TMEM135: variants seen among roughly 807,000 people sequenced by gnomAD.
The protein encoded by TMEM135 is transmembrane protein 135.
TMEM135 carries 30 observed loss-of-function variants against 60.3 expected under a neutral mutation model. The observed-to-expected ratio is 0.50, with a 90% CI of 0.37 to 0.68. TMEM135 has a LOEUF of 0.68. Among genes scored for constraint, TMEM135 ranks in the 30% least tolerant of loss-of-function variants. The pLI is 0.00. For synonymous variants in TMEM135, 190 were observed against 186.7 expected, an observed-to-expected ratio of 1.02 and a Z score of -0.14; for missense variants, 468 against 548.8, an observed-to-expected ratio of 0.85 and a Z score of 1.47.
chr11:87,262,045 A>G (rs969533190), intron 6 of TMEM135, among the ~76,000 whole-genome samples: 13 of 152,184 alleles, frequency 8.5e-5, no homozygotes, highest in African/African-American at 3.1e-4. Flanking sequence ...TTCTATCCAA[A>G]TGTCAGTACA....
At position 87,321,268 on chromosome 11, in the gene TMEM135, T is replaced by G; in HGVS notation, c.1312T>G (p.Phe438Val). 6.2e-7 allele frequency: 1 copy of G among 1,613,764 alleles called. No individual in the cohort carries two copies. The highest frequency in any genetic ancestry group is 1.3e-5 in the African/African-American group (1 of 75,036). Residue 438 changes from phenylalanine (F) to valine (V), a missense_variant, in exon 15 of 15, where the codon TTC becomes GTC. Transcript: ENST00000305494. The part of the protein sequence containing the change: ...GTGASKHFQD[F>V]IPRLDPRYTT... ...TGGTGCATCTAAACACTTTCAGGAT[T>G]TCATCCCCAGGTTGGATCCAAGATA...
rs1480150273 is a variant in TMEM135, at chr11:87,324,274, A to G, written c.*2941A>G. The G allele has an allele frequency of 2.2e-6, 1 of 453,920 alleles. No individual in the cohort carries two copies. The highest frequency in any genetic ancestry group is 4.4e-6 in the Non-Finnish European group (1 of 226,778). 28.1% of individuals were successfully genotyped at this position (453,920 alleles called of 1,614,324 possible). ...CCTTTACTCTCAGGGAGCTTCGTCC[A>G]CTTGCCTGTGTCACAACCTCTCCCT... is the stretch of plus-strand genomic sequence containing the variant. On this transcript the variant is annotated 3_prime_UTR_variant, in exon 15 of 15. Transcript: ENST00000305494.
intron 4 of TMEM135, among the ~76,000 whole-genome samples, chr11:87,142,746 CTT>C (rs1938300273): frequency 6.6e-6 from 1 of 151,750 alleles, no homozygotes; most frequent in Non-Finnish European, 1.5e-5. Context: ...TCCTCTCCCT[CTT>C]GTCCTCTTTT....
chr11:87,198,181 C>T (rs2135326526), intron 5 of TMEM135, among the ~76,000 whole-genome samples: 1 of 152,262 alleles, frequency 6.6e-6, no homozygotes, highest in East Asian at 1.9e-4. Flanking sequence ...AACCATCCTC[C>T]TCAGTTCTAT....
At chr11:87,154,178 G>C (rs938936767) in intron 4 of TMEM135, among the ~76,000 whole-genome samples, 2 of 152,024 alleles carry the variant, frequency 1.3e-5, no homozygotes, top group Non-Finnish European at 2.9e-5. Context: ...TCTACTTTCT[G>C]TCTCAATGAA....
chr11:87,132,694 T>G (rs2135234001), intron 4 of TMEM135, among the ~76,000 whole-genome samples: 1 of 152,298 alleles, frequency 6.6e-6, no homozygotes, highest in Middle Eastern at 3.4e-3. Flanking sequence ...TTATTGAAGT[T>G]TATTTAATAT....
chr11:87,313,566 A>G lies in TMEM135; in HGVS notation c.1000+78A>G. ...ATGAATTGGAAATACCATCCAATTC[A>G]TCCAATTTCTATGAATCTTCCTTTC... On this transcript the variant is annotated intron_variant, in intron 11 of 14. Transcript: ENST00000305494. 3.3e-6 allele frequency: 4 copies of G among 1,213,556 alleles called. No individual in the cohort carries two copies. In the East Asian group the frequency reaches 9.4e-5, roughly 29 times the overall value. The allele number at this position is 1,213,556 out of a possible 1,614,324, so 75.2% of individuals were successfully genotyped here.
At position 87,326,541 on chromosome 11, in the gene TMEM135, G is replaced by A. The variant is rs1407203008; in HGVS notation, c.*5208G>A. The A allele has an allele frequency of 2.2e-6, 1 of 454,052 alleles. No homozygotes were observed. Among genetic ancestry groups the A allele is most frequent in the Non-Finnish European group, 4.4e-6 (1 of 226,768 alleles). The allele number at this position is 454,052 out of a possible 1,614,324, so 28.1% of individuals were successfully genotyped here. On this transcript the variant is annotated 3_prime_UTR_variant, in exon 15 of 15. Coordinates refer to ENST00000305494, the MANE Select transcript of TMEM135 (RefSeq NM_022918.4). ...AGTACATTCTGTGGTTGGTCATTAT[G>A]GGATTGGATGCCAAAAGGAATGGGA...
At chr11:87,042,469 T>C (rs2512374) in intron 1 of TMEM135, among the ~76,000 whole-genome samples, 72,862 of 151,940 alleles carry the variant, frequency 0.48, 18,839 homozygotes, top group African/African-American at 0.67. Context: ...AAAATAGGTT[T>C]TGGTTTTTAT....
chr11:87,251,908 C>T (rs979013662), intron 6 of TMEM135, among the ~76,000 whole-genome samples: 16 of 152,114 alleles, frequency 1.1e-4, no homozygotes, highest in African/African-American at 3.4e-4. Context: ...ATTGTTATTG[C>T]TCTAGATGTA....
chr11:87,221,063 T>C lies in TMEM135; in HGVS notation c.463-15575T>C, dbSNP rs538502751. 3.4e-4 allele frequency among the ~76,000 whole-genome samples: 52 copies of C among 152,286 alleles called. 1 individual carries two copies. In the Middle Eastern group the frequency reaches 0.01, roughly 30 times the overall value. ...CTGTTGTCATAAAGTTTAAGGTAAT[T>C]TGTTCAATTCTTCCCATGCCTTTTA... On this transcript the variant is annotated intron_variant, in intron 5 of 14. Coordinates refer to ENST00000305494, the MANE Select transcript of TMEM135 (RefSeq NM_022918.4).
intron 7 of TMEM135, among the ~76,000 whole-genome samples, chr11:87,298,698 A>G (rs1029433592): frequency 6.8e-6 from 1 of 146,410 alleles, no homozygotes; most frequent in Non-Finnish European, 1.5e-5. Context: ...GAGGGAGGAG[A>G]ATGGCTTGAA....
At chr11:87,135,302 C>A (rs912389428) in intron 4 of TMEM135, among the ~76,000 whole-genome samples, 49 of 151,860 alleles carry the variant, frequency 3.2e-4, no homozygotes, top group African/African-American at 1.1e-3. Flanking sequence ...GAAAATTTTG[C>A]CTAATCTAAG....
chr11:87,174,220 T>G (rs61905590), intron 5 of TMEM135, among the ~76,000 whole-genome samples: 2 of 152,096 alleles, frequency 1.3e-5, no homozygotes, highest in Non-Finnish European at 2.9e-5. Flanking sequence ...GATTATCACT[T>G]TTGCAATAAG....
At chr11:87,213,619 G>A (rs1488093178) in intron 5 of TMEM135, among the ~76,000 whole-genome samples, 3 of 152,050 alleles carry the variant, frequency 2.0e-5, no homozygotes, top group African/African-American at 7.2e-5. Flanking sequence ...CATATTAGTA[G>A]GTAGTTTCTG....
chr11:87,123,442 T>C (rs1162434404), intron 4 of TMEM135, among the ~76,000 whole-genome samples: 1 of 152,192 alleles, frequency 6.6e-6, no homozygotes, highest in African/African-American at 2.4e-5. Context: ...TTCCCTCTTC[T>C]TTCTCTTATA....
intron 1 of TMEM135, among the ~76,000 whole-genome samples, chr11:87,061,118 G>C (rs1375943445): frequency 3.9e-5 from 6 of 152,128 alleles, no homozygotes; most frequent in African/African-American, 1.4e-4. Context: ...TGGTATATAG[G>C]ATGGTGCCTG....
intron 5 of TMEM135, among the ~76,000 whole-genome samples, chr11:87,190,359 G>A (rs962164371): frequency 6.6e-6 from 1 of 152,122 alleles, no homozygotes; most frequent in African/African-American, 2.4e-5. Flanking sequence ...GATGGTGTTC[G>A]GTGAGAGAGA....
intron 4 of TMEM135, among the ~76,000 whole-genome samples, chr11:87,147,955 A>T (rs1335035045): frequency 6.6e-6 from 1 of 152,056 alleles, no homozygotes. Context: ...ATGGAGTTTC[A>T]CTATGTTGGC....
Sources: gnomAD v4.1 joint callset for allele counts (sites outside exome capture counted in the v4.1 genomes callset) on GRCh38, gnomAD v4.1.1 for gene constraint, MANE v1.5 for transcripts, NCBI Gene and HGNC (gene_info 2026-07-23, HGNC 2026-07-21) for gene names.